UBE2W: variants seen among roughly 807,000 people sequenced by gnomAD.
UBE2W encodes the protein ubiquitin conjugating enzyme E2 W, also known as ubiquitin-conjugating enzyme E2 W.
In UBE2W, 18 loss-of-function variants were observed where a neutral mutation model predicts 27.2. The observed-to-expected ratio is 0.66, with a 90% confidence interval of 0.46 to 0.98. The LOEUF (loss-of-function observed/expected upper bound fraction) is 0.98, where lower values mean the gene tolerates loss of function less well. UBE2W is among the 50% of genes least tolerant of loss of function. UBE2W has a pLI of 0.00. For synonymous variants in UBE2W, 53 were observed against 57.2 expected (o/e 0.93, Z 0.33); for missense variants, 90 against 180.2 (o/e 0.50, Z 2.87).
chr8:73,828,636 T>C (rs1390499282), intron 2 of UBE2W, among the ~76,000 whole-genome samples: 1 of 152,154 alleles, frequency 6.6e-6, no homozygotes, highest in Non-Finnish European at 1.5e-5. Flanking sequence ...ATTAAAAAAA[T>C]TGTTTTTGTG....
At position 73,787,220 on chromosome 8, in the gene UBE2W, G is replaced by T; in HGVS notation, c.*6882C>A. 1 of 985,394 alleles carries T rather than the reference G, an allele frequency of 1.0e-6. No individual in the cohort carries two copies. The highest frequency in any genetic ancestry group is 1.2e-6 in the Non-Finnish European group (1 of 829,924). The allele number at this position is 985,394 out of a possible 1,614,324, so 61.0% of individuals were successfully genotyped here. ...GGACAGATAACCACAGTGGCTTTGAGCTTTGTTGTCCAAGTACACAAAACT... is the reference window on the plus strand; with the variant it reads ...GGACAGATAACCACAGTGGCTTTGATCTTTGTTGTCCAAGTACACAAAACT... On this transcript the variant is annotated 3_prime_UTR_variant, in exon 6 of 6. Coordinates refer to ENST00000602593, the MANE Select transcript of UBE2W (RefSeq NM_018299.6).
At chr8:73,785,952 C>T (rs1233630283), downstream of UBE2W, among the ~76,000 whole-genome samples, 1 of 151,864 alleles carries the variant, frequency 6.6e-6, no homozygotes, top group Non-Finnish European at 1.5e-5. Context: ...AGGCTTGTCA[C>T]ATTTTATATG....
chr8:73,835,629 G>A lies in UBE2W; in HGVS notation c.16-5157C>T, dbSNP rs1427899517. ...CGTGGTGGCATGCGTCTGTAATCTCGGCTACTCGGGAGGCTGAGACAGGAG... is the reference window on the plus strand; with the variant it reads ...CGTGGTGGCATGCGTCTGTAATCTCAGCTACTCGGGAGGCTGAGACAGGAG... On this transcript the variant is annotated intron_variant, in intron 1 of 5. Transcript: ENST00000602593. Among the ~76,000 whole-genome samples the A allele has an allele frequency of 7.9e-5, 12 of 152,008 alleles. No homozygotes were observed. In the South Asian group the frequency reaches 1.0e-3, roughly 13 times the overall value.
At chr8:73,817,409 G>C (rs1052223310) in intron 3 of UBE2W, among the ~76,000 whole-genome samples, 11 of 152,132 alleles carry the variant, frequency 7.2e-5, no homozygotes, top group Non-Finnish European at 1.5e-4. Flanking sequence ...CTTTAACAGA[G>C]GAAAGGGGTA....
chr8:73,805,472 C>CAAACAAAAAA (rs1254739442), intron 5 of UBE2W, among the ~76,000 whole-genome samples, 179 bp downstream of exon 5: 10 of 43,676 alleles, frequency 2.3e-4, no homozygotes, highest in Non-Finnish European at 4.5e-4. Context: ...AAAAAAAAAA[C>CAAACAAAAAA]AAAAAAAACT....
chr8:73,841,451 T>C (rs1810530900), intron 1 of UBE2W, among the ~76,000 whole-genome samples: 1 of 152,220 alleles, frequency 6.6e-6, no homozygotes, highest in Non-Finnish European at 1.5e-5. Flanking sequence ...AGCTAAACTT[T>C]TTAAAATTCT....
At chr8:73,862,274 C>CA (rs1288134458) in intron 1 of UBE2W, among the ~76,000 whole-genome samples, 4 of 152,070 alleles carry the variant, frequency 2.6e-5, no homozygotes, top group Non-Finnish European at 5.9e-5. Context: ...ATTAAAAATA[C>CA]AAAAAATAGT....
chr8:73,854,884 T>TA (rs1468468248), intron 1 of UBE2W, among the ~76,000 whole-genome samples: 4 of 152,226 alleles, frequency 2.6e-5, no homozygotes, highest in Non-Finnish European at 4.4e-5. Flanking sequence ...ACTGCATTCT[T>TA]ACAATAAAGT....
intron 1 of UBE2W, among the ~76,000 whole-genome samples, chr8:73,867,958 T>C (rs2130987751): frequency 6.6e-6 from 1 of 152,276 alleles, no homozygotes; most frequent in East Asian, 1.9e-4. Flanking sequence ...AATGCTGCAG[T>C]TGCTGTGGAA....
At chr8:73,850,296 A>G (rs1167763592) in intron 1 of UBE2W, among the ~76,000 whole-genome samples, 1 of 152,238 alleles carries the variant, frequency 6.6e-6, no homozygotes, top group Non-Finnish European at 1.5e-5. Flanking sequence ...TATCAGTAAG[A>G]GCATAAACTG....
intron 5 of UBE2W, among the ~76,000 whole-genome samples, chr8:73,800,949 G>A (rs910659452): frequency 5.3e-5 from 8 of 152,064 alleles, no homozygotes; most frequent in Non-Finnish European, 8.8e-5. Context: ...AAAATTAGCC[G>A]GGCGTGGTGG....
chr8:73,806,964 G>A (rs1808935579), intron 4 of UBE2W, among the ~76,000 whole-genome samples: 1 of 152,136 alleles, frequency 6.6e-6, no homozygotes, highest in Non-Finnish European at 1.5e-5. Context: ...CTCCGCAAGG[G>A]AGCTACCGCA....
chr8:73,843,962 C>A (rs1395038417), intron 1 of UBE2W, among the ~76,000 whole-genome samples: 1 of 152,000 alleles, frequency 6.6e-6, no homozygotes, highest in Non-Finnish European at 1.5e-5. Flanking sequence ...GCACTTCAGC[C>A]TGGCAACAGA....
chr8:73,858,268 G>A (rs1811385528), intron 1 of UBE2W, among the ~76,000 whole-genome samples: 1 of 150,900 alleles, frequency 6.6e-6, no homozygotes, highest in Non-Finnish European at 1.5e-5. Context: ...GGCTGAGGCA[G>A]GAGAACTGCT....
Position 73,791,730 on chromosome 8 carries a change from T to C in UBE2W, c.*2372A>G, listed in dbSNP as rs1260523301. 2.0e-6 allele frequency: 2 copies of C among 983,818 alleles called. No homozygotes were observed. The highest frequency in any genetic ancestry group is 2.4e-6 in the Non-Finnish European group (2 of 829,142). The allele number at this position is 983,818 out of a possible 1,614,324, so 60.9% of individuals were successfully genotyped here. A position where few individuals can be genotyped will look rare whatever the true frequency, so the allele number is the denominator to read the frequency against. ...AGTGTTGTTAGCCTGATTATGAATTTTAAATGTCTGTGCTCCTATATTTTA... is the reference window on the plus strand; with the variant it reads ...AGTGTTGTTAGCCTGATTATGAATTCTAAATGTCTGTGCTCCTATATTTTA... On this transcript the variant is annotated 3_prime_UTR_variant, in exon 6 of 6. Coordinates refer to ENST00000602593, the MANE Select transcript of UBE2W (RefSeq NM_018299.6).
rs530399670 is a variant in UBE2W at position 73,790,699 on chromosome 8, A to G, written c.*3403T>C. On this transcript the variant is annotated 3_prime_UTR_variant, in exon 6 of 6. Coordinates refer to ENST00000602593, the MANE Select transcript of UBE2W (RefSeq NM_018299.6). ...CTATTTTTAGGAAGAAGTTATAACAAGTTTTAAATATCTCAATTCTGAAAA... is the reference window on the plus strand; with the variant it reads ...CTATTTTTAGGAAGAAGTTATAACAGGTTTTAAATATCTCAATTCTGAAAA... 1.2e-4 allele frequency: 120 copies of G among 979,320 alleles called. No homozygotes were observed. In the South Asian group the frequency reaches 5.4e-3, roughly 44 times the overall value. The allele number at this position is 979,320 out of a possible 1,614,324, so 60.7% of individuals were successfully genotyped here.
In UBE2W at chr8:73,857,162, T is replaced by G. The variant is rs191702643; in HGVS notation, c.15+21646A>C. On this transcript the variant is annotated intron_variant, in intron 1 of 5. Transcript: ENST00000602593. ...TTTATCATGCTCAGGTATACTATAC[T>G]GTGATTTTAGGGATTTTACCAATAC... is the stretch of plus-strand genomic sequence containing the variant. Among the ~76,000 whole-genome samples the G allele has an allele frequency of 2.4e-4, 37 of 152,304 alleles. 1 individual carries two copies. Among genetic ancestry groups the G allele is most frequent in the African/African-American group, 8.7e-4 (36 of 41,564 alleles).
intron 1 of UBE2W, among the ~76,000 whole-genome samples, chr8:73,876,913 GCCA>G (rs563482832): frequency 1.2e-3 from 183 of 152,220 alleles, no homozygotes; most frequent in African/African-American, 4.3e-3. Flanking sequence ...GCTGCGGTGA[GCCA>G]AGATCGCCCC....
chr8:73,820,653 A>T (rs1182239666), intron 3 of UBE2W, among the ~76,000 whole-genome samples: 1 of 152,070 alleles, frequency 6.6e-6, no homozygotes, highest in East Asian at 1.9e-4. Flanking sequence ...GAGGTGGGAG[A>T]ATGGTTTAAG....
Sources: gnomAD v4.1 joint callset for allele counts (sites outside exome capture counted in the v4.1 genomes callset) on GRCh38, gnomAD v4.1.1 for gene constraint, MANE v1.5 for transcripts, NCBI Gene and HGNC (gene_info 2026-07-23, HGNC 2026-07-21) for gene names.